The following CLASP1 variants were observed in gnomAD, a reference collection of about 807,000 sequenced individuals.
CLASP1 encodes CLIP-associating protein 1.
Under a neutral mutation model 192.3 loss-of-function variants are expected in CLASP1, and 38 were observed. The ratio of observed to expected loss-of-function variants is 0.20; its 90% CI spans 0.15 to 0.26. CLASP1 has a LOEUF of 0.26. Among genes scored for constraint, CLASP1 ranks in the 10% least tolerant of loss-of-function variants. The pLI, the probability that CLASP1 is intolerant of heterozygous loss-of-function variation, is 1.00. For missense variants in CLASP1, 1,433 were observed against 1,932.5 expected (o/e 0.74, Z 4.85); for synonymous variants, 691 against 712.8 (o/e 0.97, Z 0.49).
At chr2:121,575,086 T>C (rs975588477) in intron 2 of CLASP1, among the ~76,000 whole-genome samples, 1 of 152,186 alleles carries the variant, frequency 6.6e-6, no homozygotes, top group Non-Finnish European at 1.5e-5. Context: ...GTACATAATA[T>C]ATACAATTTC....
intron 8 of CLASP1, among the ~76,000 whole-genome samples, chr2:121,478,665 C>CCCCACACACACACCACA (rs2091996146): frequency 9.4e-5 from 9 of 95,630 alleles, no homozygotes; most frequent in Admixed American, 8.7e-4. Context: ...CACACACCCC[C>CCCCACACACACACCACA]CACACACACC....
At chr2:121,637,703 T>A (rs1559842738) in intron 1 of CLASP1, among the ~76,000 whole-genome samples, 2 of 152,058 alleles carry the variant, frequency 1.3e-5, no homozygotes, top group African/African-American at 4.8e-5. Context: ...CTGGCCAACA[T>A]GGTGAAACTC....
intron 15 of CLASP1, among the ~76,000 whole-genome samples, 188 bp from the exon 16 acceptor site, chr2:121,451,178 G>A (rs1047381237): frequency 2.6e-5 from 4 of 152,164 alleles, no homozygotes. Flanking sequence ...TCCCAATCCT[G>A]CCCCAACACC....
intron 2 of CLASP1, among the ~76,000 whole-genome samples, chr2:121,578,726 CAAAA>C (rs3980092): frequency 2.1e-4 from 22 of 105,776 alleles, no homozygotes; most frequent in African/African-American, 3.4e-4. Context: ...GACTCCGTCT[CAAAA>C]AAAAAAAAAA....
At chr2:121,470,534 GT>G (rs981933198) in intron 8 of CLASP1, 1 of 376,644 alleles carries the variant, frequency 2.7e-6, no homozygotes, top group African/African-American at 2.1e-5. Context: ...TTTAATAATT[GT>G]ATGGTACTTT....
intron 28 of CLASP1, among the ~76,000 whole-genome samples, chr2:121,400,985 C>G (rs1039182600): frequency 1.3e-5 from 2 of 152,200 alleles, no homozygotes; most frequent in African/African-American, 4.8e-5. Context: ...TGTACTTTTT[C>G]TAACTTTTCT....
rs186277078 is a variant in CLASP1 at position 121,369,241 on chromosome 2, G to C, written c.3643-1410C>G. Among the ~76,000 whole-genome samples, 73 of 152,244 alleles carry C rather than the reference G, an allele frequency of 4.8e-4. No individual in the cohort carries two copies. In the East Asian group the frequency reaches 0.013, roughly 28 times the overall value. ...TTCTTTTGGACTTGAATCTAGTGGA[G>C]GTGCTGGGATGCATTTGGTTTCTAA... On this transcript the variant is annotated intron_variant, in intron 34 of 39. Coordinates refer to ENST00000263710, the Ensembl canonical transcript of CLASP1.
intron 2 of CLASP1, among the ~76,000 whole-genome samples, chr2:121,595,062 C>G (rs1297895690): frequency 1.3e-5 from 2 of 152,168 alleles, no homozygotes; most frequent in African/African-American, 4.8e-5. Flanking sequence ...AAAATTCCCT[C>G]CCTTTAAGAA....
chr2:121,452,266 G>A (rs2085642080), intron 14 of CLASP1, among the ~76,000 whole-genome samples: 1 of 152,156 alleles, frequency 6.6e-6, no homozygotes, highest in African/African-American at 2.4e-5. Flanking sequence ...CACAAAAAAA[G>A]TTAAAAGTAC....
At chr2:121,530,590 G>T in intron 2 of CLASP1, 1 of 533,096 alleles carries the variant, frequency 1.9e-6, no homozygotes, top group Non-Finnish European at 3.4e-6. Flanking sequence ...TTAGCTGCGG[G>T]TGGAGTTCAA....
chr2:121,644,966 C>CAAAAAAAAAAAAAAAAAAA (rs74265895), intron 1 of CLASP1, among the ~76,000 whole-genome samples: 1 of 112,678 alleles, frequency 8.9e-6, no homozygotes. Flanking sequence ...AAAAAAAAAA[C>CAAAAAAAAAAAAAAAAAAA]AAAAAAAAAA....
rs185319974 is a variant in CLASP1, at chr2:121,565,871, T to C, written c.196-35546A>G. Among the ~76,000 whole-genome samples the C allele has an allele frequency of 7.9e-5, 12 of 152,330 alleles. No homozygotes were observed. In the East Asian group the frequency reaches 2.3e-3, roughly 29 times the overall value. On this transcript the variant is annotated intron_variant, in intron 2 of 39. Transcript: ENST00000263710. ...AAGTCCTTTCCCTGTTTGCATCAGTTTGCTGTAGTTATCCACAGGTAAGGT... is the reference window on the plus strand; with the variant it reads ...AAGTCCTTTCCCTGTTTGCATCAGTCTGCTGTAGTTATCCACAGGTAAGGT...
At chr2:121,610,385 TGGA>T (rs1366426230) in intron 1 of CLASP1, among the ~76,000 whole-genome samples, 9 of 86,220 alleles carry the variant, frequency 1.0e-4, no homozygotes, top group Non-Finnish European at 1.2e-4. Context: ...GAAGAGGAAC[TGGA>T]GGAGGAGGAG....
intron 1 of CLASP1, among the ~76,000 whole-genome samples, chr2:121,626,868 G>A (rs988200909): frequency 6.6e-6 from 1 of 152,086 alleles, no homozygotes; most frequent in Admixed American, 6.6e-5. Context: ...ACCTACAAAG[G>A]AAAGATATAT....
intron 22 of CLASP1, among the ~76,000 whole-genome samples, chr2:121,419,809 T>C (rs2079188865): frequency 1.3e-5 from 2 of 152,120 alleles, no homozygotes; most frequent in Non-Finnish European, 2.9e-5. Context: ...ATGGGGACAA[T>C]ATACGTTTCC....
At chr2:121,382,398 C>A (rs1330417641) in intron 32 of CLASP1, 74 bp from the exon 34 acceptor site, 2 of 856,798 alleles carry the variant, frequency 2.3e-6, no homozygotes, top group Middle Eastern at 5.3e-4. Context: ...GAAAGCACTA[C>A]ACACTAAGTG....
rs534293505 is a variant in CLASP1 at position 121,649,160 on chromosome 2, A to G, written c.-286+212T>C. 1.6e-4 allele frequency among the ~76,000 whole-genome samples: 24 copies of G among 152,240 alleles called. 2 individuals carry two copies. The South Asian group carries it at 5.0e-3, about 32-fold the overall frequency. ...TCCCTCTGCAAAGCAGCCTGGGCTC[A>G]GCGACCTACTGGTTGGATAAACAAC... On this transcript the variant is annotated intron_variant, in intron 1 of 39. Transcript: ENST00000263710.
intron 19 of CLASP1, among the ~76,000 whole-genome samples, chr2:121,445,926 T>C (rs2084245172): frequency 6.6e-6 from 1 of 152,178 alleles, no homozygotes; most frequent in African/African-American, 2.4e-5. Flanking sequence ...ATACTAAAGG[T>C]GGATCTAATA....
At chr2:121,565,890 G>A (rs1213068666) in intron 2 of CLASP1, among the ~76,000 whole-genome samples, 1 of 152,140 alleles carries the variant, frequency 6.6e-6, no homozygotes, top group African/African-American at 2.4e-5. Flanking sequence ...TTATCCACAG[G>A]TAAGGTACTA....
Sources: allele counts gnomAD v4.1 joint callset (sites outside exome capture counted in the v4.1 genomes callset), GRCh38; gene constraint gnomAD v4.1.1; transcripts MANE v1.5; gene names NCBI Gene and HGNC (gene_info 2026-07-23, HGNC 2026-07-21).